Variants in FAF1 observed in about 807,000 individuals in gnomAD.
FAF1 encodes the protein Fas associated factor 1.
A neutral mutation model predicts 92.5 loss-of-function variants in FAF1; 25 were observed. The observed-to-expected ratio is 0.27, with a 90% CI of 0.20 to 0.38. FAF1 has a LOEUF of 0.38. Among genes scored for constraint, FAF1 ranks in the 10% least tolerant of loss-of-function variants. FAF1 has a pLI of 1.00. For synonymous variants in FAF1, 234 were observed against 273.2 expected, an observed-to-expected ratio of 0.86 and a Z score of 1.42; for missense variants, 636 against 793.3, an observed-to-expected ratio of 0.80 and a Z score of 2.38.
chr1:50,632,528 T>C (rs1653836881), intron 8 of FAF1, among the ~76,000 whole-genome samples: 1 of 152,202 alleles, frequency 6.6e-6, no homozygotes, highest in Admixed American at 6.5e-5. Context: ...AAGTTACTTC[T>C]CTATTTAGTT....
chr1:50,547,827 G>A (rs1314087306), intron 13 of FAF1, among the ~76,000 whole-genome samples: 1 of 152,164 alleles, frequency 6.6e-6, no homozygotes, highest in Non-Finnish European at 1.5e-5. Flanking sequence ...ATCTATAGGA[G>A]ACAATTTATC....
chr1:50,557,447 A>G (rs573769493), intron 13 of FAF1, among the ~76,000 whole-genome samples: 5 of 152,244 alleles, frequency 3.3e-5, no homozygotes, highest in Non-Finnish European at 7.3e-5. Flanking sequence ...TCTATTCTTT[A>G]ATAATTACCT....
intron 17 of FAF1, among the ~76,000 whole-genome samples, chr1:50,480,602 A>G (rs1646689430): frequency 6.6e-6 from 1 of 152,204 alleles, no homozygotes; most frequent in Admixed American, 6.5e-5. Flanking sequence ...CTAGTAGGGT[A>G]GGGATAAAGA....
At chr1:50,855,321 GTTTT>G (rs761206527) in intron 2 of FAF1, among the ~76,000 whole-genome samples, 46 of 151,546 alleles carry the variant, frequency 3.0e-4, no homozygotes, top group Admixed American at 4.6e-4. Flanking sequence ...CACTGAATGT[GTTTT>G]TTTATTAGAT....
chr1:50,811,737 A>C (rs1161359635), intron 2 of FAF1, among the ~76,000 whole-genome samples: 1 of 152,216 alleles, frequency 6.6e-6, no homozygotes, highest in Non-Finnish European at 1.5e-5. Context: ...ACCAAAAAGG[A>C]GCCTGAGTAG....
chr1:50,746,828 G>C lies in FAF1; in HGVS notation c.368-2053C>G, dbSNP rs12044888. ...CAGCCCCTGCCATCACTGGCCCAGA[G>C]GCCTACGAGGTGGGTGAGACCCAGG... On this transcript the variant is annotated intron_variant, in intron 4 of 18. Coordinates refer to ENST00000396153, the MANE Select transcript of FAF1 (RefSeq NM_007051.3). 0.011 allele frequency among the ~76,000 whole-genome samples: 1,710 copies of C among 152,270 alleles called. 101 individuals carry two copies. The East Asian group carries it at 0.15, about 14-fold the overall frequency.
Position 50,820,118 on chromosome 1 carries a change from C to G in FAF1, c.115-18441G>C, listed in dbSNP as rs115532843. 4.4e-3 allele frequency among the ~76,000 whole-genome samples: 669 copies of G among 151,758 alleles called. 4 individuals carry two copies. Among genetic ancestry groups the G allele is most frequent in the African/African-American group, 0.013 (545 of 41,384 alleles). ...GACACAGAAAGCACAATGGTGGTTA[C>G]TAGGGGATGGGGTGGAGAGGGTAGG... On this transcript the variant is annotated intron_variant, in intron 2 of 18. Transcript: ENST00000396153.
At chr1:50,540,297 C>CA (rs1648703143) in intron 13 of FAF1, among the ~76,000 whole-genome samples, 1 of 152,080 alleles carries the variant, frequency 6.6e-6, no homozygotes, top group South Asian at 2.1e-4. Flanking sequence ...AACACTACAA[C>CA]ACTACCTTTA....
intron 1 of FAF1, among the ~76,000 whole-genome samples, chr1:50,894,861 G>T (rs1370661603): frequency 6.6e-6 from 1 of 152,050 alleles, no homozygotes; most frequent in Non-Finnish European, 1.5e-5. Context: ...AACCTATGGG[G>T]TTACAGCAAA....
intron 17 of FAF1, among the ~76,000 whole-genome samples, chr1:50,479,384 C>T (rs1646674630): frequency 6.6e-6 from 1 of 152,182 alleles, no homozygotes; most frequent in Non-Finnish European, 1.5e-5. Context: ...TGCTTCTAAT[C>T]GGCCATCTTG....
intron 2 of FAF1, among the ~76,000 whole-genome samples, chr1:50,850,005 C>T (rs1038941303): frequency 2.0e-5 from 3 of 149,728 alleles, no homozygotes; most frequent in Admixed American, 6.7e-5. Flanking sequence ...AAAGAGGCAA[C>T]AAAATAGTGT....
At chr1:50,862,459 T>C (rs1644443902) in intron 1 of FAF1, among the ~76,000 whole-genome samples, 1 of 151,750 alleles carries the variant, frequency 6.6e-6, no homozygotes, top group African/African-American at 2.4e-5. Context: ...AAAGATGGGA[T>C]AGTTAATGGG....
At chr1:50,696,689 C>T (rs1466522239) in intron 7 of FAF1, among the ~76,000 whole-genome samples, 1 of 152,088 alleles carries the variant, frequency 6.6e-6, no homozygotes, top group African/African-American at 2.4e-5. Context: ...ACTCTAAGTA[C>T]AAACAGAATT....
intron 8 of FAF1, among the ~76,000 whole-genome samples, chr1:50,627,781 A>C (rs184248723): frequency 2.0e-5 from 3 of 152,304 alleles, no homozygotes; most frequent in African/African-American, 7.2e-5. Context: ...TTAAAAATTC[A>C]TCAAATTGTA....
intron 12 of FAF1, among the ~76,000 whole-genome samples, chr1:50,578,233 T>C (rs1650842021): frequency 6.6e-6 from 1 of 152,188 alleles, no homozygotes; most frequent in South Asian, 2.1e-4. Context: ...TTGAGGCTCA[T>C]CTGTTGCCCT....
intron 17 of FAF1, among the ~76,000 whole-genome samples, chr1:50,486,047 C>T (rs1405492300): frequency 1.3e-5 from 2 of 152,038 alleles, no homozygotes; most frequent in Non-Finnish European, 2.9e-5. Flanking sequence ...AGAGTCAAAC[C>T]ATATTACCAA....
intron 2 of FAF1, among the ~76,000 whole-genome samples, chr1:50,831,242 A>G (rs996654818): frequency 6.6e-6 from 1 of 152,234 alleles, no homozygotes; most frequent in Non-Finnish European, 1.5e-5. Context: ...TCCGTGATCC[A>G]GCAGCACTTA....
chr1:50,864,296 A>G (rs1245628346), intron 1 of FAF1, among the ~76,000 whole-genome samples: 41 of 149,684 alleles, frequency 2.7e-4, no homozygotes, highest in African/African-American at 9.8e-4. Context: ...TTGTGATGTT[A>G]GGGTGTCAAT....
chr1:50,684,693 T>C (rs542734459), intron 7 of FAF1, among the ~76,000 whole-genome samples: 1 of 152,298 alleles, frequency 6.6e-6, no homozygotes, highest in South Asian at 2.1e-4. Flanking sequence ...TAATCAGCTT[T>C]TTTGCACTAA....
Sources: gnomAD v4.1 joint callset for allele counts (sites outside exome capture counted in the v4.1 genomes callset) on GRCh38, gnomAD v4.1.1 for gene constraint, MANE v1.5 for transcripts, NCBI Gene and HGNC (gene_info 2026-07-23, HGNC 2026-07-21) for gene names.